The following PAM variants were observed in gnomAD, a reference collection of about 807,000 sequenced individuals.
PAM encodes peptidyl-glycine alpha-amidating monooxygenase.
Under a neutral mutation model 122.1 loss-of-function variants are expected in PAM, and 72 were observed. The ratio of observed to expected loss-of-function variants is 0.59; its 90% CI spans 0.49 to 0.72. PAM has a LOEUF of 0.72. Ranked by LOEUF, PAM falls within the 30% of genes least tolerant of loss-of-function variation. The pLI is 0.00. For missense variants in PAM, 1,106 were observed against 1,183.7 expected (o/e 0.93, Z 0.96); for synonymous variants, 389 against 404.4 (o/e 0.96, Z 0.46).
chr5:102,904,652 T>C (rs2151448294), intron 4 of PAM, among the ~76,000 whole-genome samples: 1 of 151,746 alleles, frequency 6.6e-6, no homozygotes, highest in African/African-American at 2.4e-5. Context: ...AGTCACAGGC[T>C]AGCAGAATTC....
intron 12 of PAM, among the ~76,000 whole-genome samples, chr5:102,954,079 G>A (rs141191648): frequency 2.5e-3 from 382 of 152,074 alleles, no homozygotes; most frequent in Admixed American, 4.5e-3. Flanking sequence ...CAAAGTGATG[G>A]ATTTGTTAGT....
chr5:102,772,827 T>C (rs1756175648), intron 1 of PAM, among the ~76,000 whole-genome samples: 2 of 152,124 alleles, frequency 1.3e-5, no homozygotes, highest in Non-Finnish European at 2.9e-5. Flanking sequence ...TTAGGATGGA[T>C]TTTATGTTCA....
At chr5:102,931,842 C>T (rs1024761959) in intron 7 of PAM, among the ~76,000 whole-genome samples, 4 of 151,994 alleles carry the variant, frequency 2.6e-5, no homozygotes, top group Non-Finnish European at 5.9e-5. Context: ...CTGTCTCTCT[C>T]GGCTTGTTTC....
At chr5:102,946,713 C>A in intron 7 of PAM, 124 bp from the exon 8 acceptor site, 1 of 666,148 alleles carries the variant, frequency 1.5e-6, no homozygotes, top group East Asian at 2.8e-5. Context: ...TCATAAAGAA[C>A]CATACAGATG....
chr5:102,809,255 C>T (rs185628281), intron 1 of PAM, among the ~76,000 whole-genome samples: 31 of 151,338 alleles, frequency 2.0e-4, no homozygotes, highest in African/African-American at 7.0e-4. Context: ...CAGTGGCTCA[C>T]GCCTCTAATC....
chr5:102,869,972 G>A (rs2150991715), intron 3 of PAM, among the ~76,000 whole-genome samples: 1 of 151,066 alleles, frequency 6.6e-6, no homozygotes, highest in African/African-American at 2.4e-5. Flanking sequence ...GAATGATCAA[G>A]AACAAAAATA....
intron 14 of PAM, among the ~76,000 whole-genome samples, chr5:102,971,648 A>G (rs1263287927): frequency 6.6e-6 from 1 of 152,212 alleles, no homozygotes; most frequent in Non-Finnish European, 1.5e-5. Flanking sequence ...TGAAAAGCCA[A>G]TATGAGTGGA....
chr5:102,932,662 TATAAAAA>T (rs542664953), intron 7 of PAM, among the ~76,000 whole-genome samples: 124 of 149,612 alleles, frequency 8.3e-4, no homozygotes, highest in African/African-American at 2.8e-3. Flanking sequence ...AATATATATA[TATAAAAA>T]ATAAAAAATA....
At chr5:103,006,570 G>A (rs371830959) in intron 18 of PAM, among the ~76,000 whole-genome samples, 23 of 152,262 alleles carry the variant, frequency 1.5e-4, no homozygotes, top group Admixed American at 2.0e-4. Context: ...CTAATTAACC[G>A]CGTGACCTTG....
chr5:102,803,146 A>AAGG (rs1765250860), intron 1 of PAM, among the ~76,000 whole-genome samples: 7 of 133,596 alleles, frequency 5.2e-5, no homozygotes, highest in African/African-American at 1.2e-4. Flanking sequence ...AGAAAGAAAG[A>AAGG]AAGGAAGGAA....
At chr5:103,008,587 A>T (rs1164226571) in intron 20 of PAM, among the ~76,000 whole-genome samples, 1 of 152,134 alleles carries the variant, frequency 6.6e-6, no homozygotes, top group African/African-American at 2.4e-5. Flanking sequence ...TATTACTGTA[A>T]TATTTATGTT....
chr5:102,772,765 C>T lies in PAM; in HGVS notation c.-374+17417C>T, dbSNP rs777716684. 1.4e-4 allele frequency among the ~76,000 whole-genome samples: 21 copies of T among 151,952 alleles called. 1 individual carries two copies. Among genetic ancestry groups the T allele is most frequent in the African/African-American group, 1.5e-4 (6 of 41,374 alleles). ...TGAGAAATTACATTAATTTATGTGA[C>T]GGATGTTGATGTTTTGCTGAAAGTA... On this transcript the variant is annotated intron_variant, in intron 1 of 25. Transcript: ENST00000438793.
At chr5:102,879,612 A>C (rs532546636) in intron 3 of PAM, among the ~76,000 whole-genome samples, 11 of 151,022 alleles carry the variant, frequency 7.3e-5, no homozygotes, top group African/African-American at 2.7e-4. Flanking sequence ...AGACGTGCCT[A>C]CTCCCCTTTT....
At chr5:102,865,646 G>A (rs1007572715) in intron 1 of PAM, 177 bp from the exon 2 acceptor site, 1 of 152,316 alleles carries the variant, frequency 6.6e-6, no homozygotes, top group African/African-American at 2.4e-5. Context: ...GCGCCGTGGG[G>A]GTTCCTGAAA....
At chr5:102,989,982 G>A (rs1773543530) in intron 15 of PAM, 1 of 212,478 alleles carries the variant, frequency 4.7e-6, no homozygotes, top group African/African-American at 2.3e-5. Flanking sequence ...TTGTTGAGAA[G>A]AAGGCTGTCT....
intron 7 of PAM, among the ~76,000 whole-genome samples, chr5:102,931,809 T>A (rs543683789): frequency 7.0e-5 from 10 of 143,824 alleles, no homozygotes; most frequent in East Asian, 2.0e-4. Flanking sequence ...AACAACACAC[T>A]CTCTCTCTCT....
intron 7 of PAM, among the ~76,000 whole-genome samples, chr5:102,944,384 G>T (rs1453814142): frequency 6.6e-6 from 1 of 152,036 alleles, no homozygotes; most frequent in African/African-American, 2.4e-5. Flanking sequence ...CTTTGAGAGA[G>T]AGTTAACCTG....
chr5:102,934,913 G>A (rs1309627622), intron 7 of PAM, among the ~76,000 whole-genome samples: 1 of 152,054 alleles, frequency 6.6e-6, no homozygotes, highest in African/African-American at 2.4e-5. Context: ...TCCAGTATTA[G>A]AACAAAGAAA....
chr5:102,973,437 A>T (rs1407159983), intron 14 of PAM, among the ~76,000 whole-genome samples: 1 of 152,182 alleles, frequency 6.6e-6, no homozygotes, highest in Non-Finnish European at 1.5e-5. Flanking sequence ...CATTTTAGTG[A>T]TGAATCACCC....
Sources: gnomAD v4.1 joint callset for allele counts (sites outside exome capture counted in the v4.1 genomes callset) on GRCh38, gnomAD v4.1.1 for gene constraint, MANE v1.5 for transcripts, NCBI Gene and HGNC (gene_info 2026-07-23, HGNC 2026-07-21) for gene names.